Variants in CADM2 observed in about 807,000 individuals in gnomAD.
The protein encoded by CADM2 is cell adhesion molecule 2, also known as immunoglobulin superfamily member 4D.
A neutral mutation model predicts 49.8 loss-of-function variants in CADM2; 12 were observed. The observed-to-expected ratio is 0.24, with a 90% confidence interval of 0.15 to 0.39. The LOEUF is 0.39. CADM2 is among the 10% of genes least tolerant of loss of function. The pLI is 1.00. For synonymous variants in CADM2, 214 were observed against 175.4 expected (o/e 1.22, Z -1.74); for missense variants, 378 against 492.3 (o/e 0.77, Z 2.20).
chr3:85,656,646 A>C (rs1417625708), intron 1 of CADM2, among the ~76,000 whole-genome samples: 1 of 152,202 alleles, frequency 6.6e-6, no homozygotes, highest in Non-Finnish European at 1.5e-5. Context: ...TAACAATAAT[A>C]AATAAGTAAA....
At chr3:85,493,140 T>C (rs1201617160) in intron 1 of CADM2, among the ~76,000 whole-genome samples, 12 of 152,100 alleles carry the variant, frequency 7.9e-5, no homozygotes, top group Admixed American at 6.6e-5. Context: ...GTAACATTTA[T>C]TAATATAATA....
intron 1 of CADM2, among the ~76,000 whole-genome samples, chr3:85,177,480 A>C (rs1040728842): frequency 1.3e-5 from 2 of 152,188 alleles, no homozygotes; most frequent in African/African-American, 4.8e-5. Flanking sequence ...AACTAATGGA[A>C]ATTAAAATGA....
chr3:85,021,562 G>A (rs1227489922), intron 1 of CADM2, among the ~76,000 whole-genome samples: 3 of 152,088 alleles, frequency 2.0e-5, no homozygotes, highest in South Asian at 2.1e-4. Flanking sequence ...ATCACCTGAG[G>A]TCAGGTGTTC....
chr3:85,777,065 A>T (rs1017383856), intron 2 of CADM2, among the ~76,000 whole-genome samples: 2 of 151,966 alleles, frequency 1.3e-5, no homozygotes, highest in Non-Finnish European at 2.9e-5. Flanking sequence ...ATTGCTTGTT[A>T]TATTTCCAGA....
intron 8 of CADM2, among the ~76,000 whole-genome samples, chr3:85,989,816 A>G (rs1489389739): frequency 6.6e-6 from 1 of 151,928 alleles, no homozygotes; most frequent in Non-Finnish European, 1.5e-5. Context: ...GTTCAAGACC[A>G]GCCTGCCCAA....
intron 1 of CADM2, among the ~76,000 whole-genome samples, chr3:85,209,676 C>A (rs576309382): frequency 2.4e-4 from 37 of 151,452 alleles, no homozygotes; most frequent in African/African-American, 8.9e-4. Context: ...AAAAAAAAAA[C>A]ATACAGAAGA....
intron 2 of CADM2, among the ~76,000 whole-genome samples, chr3:85,786,304 C>A (rs1340716153): frequency 6.6e-6 from 1 of 152,032 alleles, no homozygotes; most frequent in African/African-American, 2.4e-5. Context: ...TTTGCTTTAT[C>A]AGAAGTATAA....
intron 2 of CADM2, among the ~76,000 whole-genome samples, chr3:85,755,189 C>T (rs1358388277): frequency 1.3e-5 from 2 of 152,162 alleles, no homozygotes; most frequent in African/African-American, 4.8e-5. Flanking sequence ...TCAAGTTACC[C>T]ATACTTGACC....
At chr3:85,547,114 AATT>A (rs1190904899) in intron 1 of CADM2, among the ~76,000 whole-genome samples, 1 of 152,090 alleles carries the variant, frequency 6.6e-6, no homozygotes, top group Non-Finnish European at 1.5e-5. Flanking sequence ...TATACATCAA[AATT>A]ATTGAAATAA....
intron 1 of CADM2, among the ~76,000 whole-genome samples, chr3:85,204,189 A>C (rs997411322): frequency 1.3e-5 from 2 of 152,172 alleles, no homozygotes; most frequent in African/African-American, 4.8e-5. Flanking sequence ...CCTTTTAATA[A>C]ATTTTTTGAC....
At chr3:86,004,003 A>G (rs1730482687) in intron 8 of CADM2, among the ~76,000 whole-genome samples, 1 of 152,192 alleles carries the variant, frequency 6.6e-6, no homozygotes, top group South Asian at 2.1e-4. Flanking sequence ...GGCTCCAAAT[A>G]AAGTCTGGGC....
At chr3:86,017,899 T>C (rs1732514107) in intron 8 of CADM2, among the ~76,000 whole-genome samples, 1 of 149,426 alleles carries the variant, frequency 6.7e-6, no homozygotes, top group Non-Finnish European at 1.5e-5. Flanking sequence ...TATTATACTT[T>C]AAGTTTTAGG....
chr3:86,031,571 T>C (rs1342409222), intron 8 of CADM2, among the ~76,000 whole-genome samples: 1 of 151,814 alleles, frequency 6.6e-6, no homozygotes, highest in Non-Finnish European at 1.5e-5. Context: ...ATAATGTCAG[T>C]TAATAAAACT....
At chr3:85,167,225 G>A (rs1292551123) in intron 1 of CADM2, among the ~76,000 whole-genome samples, 2 of 151,898 alleles carry the variant, frequency 1.3e-5, no homozygotes, top group Non-Finnish European at 2.9e-5. Context: ...AATGGTTTTC[G>A]CTCCTCCTAT....
intron 1 of CADM2, among the ~76,000 whole-genome samples, chr3:85,528,007 G>T (rs1449484044): frequency 2.0e-5 from 3 of 152,102 alleles, no homozygotes; most frequent in Non-Finnish European, 4.4e-5. Context: ...TTTAAGACTG[G>T]ATTTCTCAGT....
intron 8 of CADM2, chr3:86,014,701 A>G: frequency 6.5e-7 from 1 of 1,529,488 alleles, no homozygotes; most frequent in Non-Finnish European, 8.8e-7. Context: ...ACACCGGAGG[A>G]ACACCATGCT....
chr3:85,448,294 C>T (rs1028764322), intron 1 of CADM2, among the ~76,000 whole-genome samples: 12 of 148,066 alleles, frequency 8.1e-5, no homozygotes, highest in Admixed American at 2.0e-4. Flanking sequence ...GATCGCGCCA[C>T]TGCACTCCAG....
At chr3:85,531,244 T>G (rs756103141) in intron 1 of CADM2, among the ~76,000 whole-genome samples, 97 of 152,194 alleles carry the variant, frequency 6.4e-4, no homozygotes, top group Non-Finnish European at 2.4e-4. Flanking sequence ...TGTCATTAAT[T>G]TTTTGATTTC....
chr3:85,323,696 C>G (rs936524229), intron 1 of CADM2, among the ~76,000 whole-genome samples: 1 of 152,168 alleles, frequency 6.6e-6, no homozygotes, highest in Non-Finnish European at 1.5e-5. Context: ...CATATCAATT[C>G]TATTTCCAAT....
Sources: gnomAD v4.1 joint callset for allele counts (sites outside exome capture counted in the v4.1 genomes callset) on GRCh38, gnomAD v4.1.1 for gene constraint, MANE v1.5 for transcripts, NCBI Gene and HGNC (gene_info 2026-07-23, HGNC 2026-07-21) for gene names.